SEMA3E: variants seen among roughly 807,000 people sequenced by gnomAD.
The protein encoded by SEMA3E is semaphorin-3E.
Under a neutral mutation model 93.6 loss-of-function variants are expected in SEMA3E, and 49 were observed. The observed-to-expected ratio is 0.52, with a 90% CI of 0.42 to 0.66. The LOEUF is 0.66. SEMA3E is among the 30% of genes least tolerant of loss of function. SEMA3E has a pLI of 0.00. For synonymous variants in SEMA3E, 363 were observed against 330.7 expected (o/e 1.10, Z -1.06); for missense variants, 906 against 964.8 (o/e 0.94, Z 0.81).
rs573282065 is a variant in SEMA3E, at chr7:83,476,219, G to A, written c.277-6917C>T. ...ATCACATTCTTAGTGAAGTCAGTCT[G>A]TCAAAGGAGATTACAGTAAAGTTTG... On this transcript the variant is annotated intron_variant, in intron 2 of 16. Coordinates refer to ENST00000643230, the MANE Select transcript of SEMA3E (RefSeq NM_012431.3). 2.2e-4 allele frequency among the ~76,000 whole-genome samples: 33 copies of A among 152,290 alleles called. No individual in the cohort carries two copies. In the South Asian group the frequency reaches 6.8e-3, roughly 32 times the overall value.
intron 4 of SEMA3E, among the ~76,000 whole-genome samples, chr7:83,453,292 A>T (rs1316310468): frequency 6.6e-6 from 1 of 152,076 alleles, no homozygotes; most frequent in African/African-American, 2.4e-5. Flanking sequence ...GACTTCCCAA[A>T]GTGCTGGGAT....
intron 11 of SEMA3E, among the ~76,000 whole-genome samples, chr7:83,397,851 A>G (rs1404333355): frequency 6.6e-6 from 1 of 152,218 alleles, no homozygotes; most frequent in Non-Finnish European, 1.5e-5. Flanking sequence ...TAATTAAGCT[A>G]ATAACAGTTA....
intron 13 of SEMA3E, 103 bp from the exon 14 acceptor site, chr7:83,392,824 C>T (rs1788044918): frequency 8.8e-7 from 1 of 1,131,674 alleles, no homozygotes; most frequent in African/African-American, 1.5e-5. Flanking sequence ...AGAAAAAATT[C>T]ACTTAAATTT....
intron 1 of SEMA3E, among the ~76,000 whole-genome samples, chr7:83,492,366 C>A (rs546390049): frequency 6.6e-6 from 1 of 151,968 alleles, no homozygotes; most frequent in South Asian, 2.1e-4. Context: ...TATCCCTGCA[C>A]GCACATGGCA....
chr7:83,611,491 A>G (rs142331874), intron 1 of SEMA3E, among the ~76,000 whole-genome samples: 250 of 149,646 alleles, frequency 1.7e-3, no homozygotes, highest in African/African-American at 5.9e-3. Context: ...GTCCTCATCT[A>G]GCTACCACTC....
At chr7:83,488,661 C>T (rs1332207779) in intron 2 of SEMA3E, among the ~76,000 whole-genome samples, 2 of 152,122 alleles carry the variant, frequency 1.3e-5, no homozygotes, top group Admixed American at 1.3e-4. Flanking sequence ...AGAGGATATG[C>T]TTCCGCAACA....
intron 2 of SEMA3E, among the ~76,000 whole-genome samples, chr7:83,478,294 C>G (rs1790065068): frequency 6.6e-6 from 1 of 151,998 alleles, no homozygotes; most frequent in African/African-American, 2.4e-5. Context: ...AAGATAAAAA[C>G]TATAGATCAA....
intron 1 of SEMA3E, among the ~76,000 whole-genome samples, chr7:83,553,104 T>C (rs953706640): frequency 5.3e-5 from 8 of 152,162 alleles, no homozygotes; most frequent in Admixed American, 2.6e-4. Flanking sequence ...GGGGCTCAGG[T>C]GGGCATCACA....
chr7:83,523,166 C>T (rs1791083692), intron 1 of SEMA3E, among the ~76,000 whole-genome samples: 1 of 152,082 alleles, frequency 6.6e-6, no homozygotes, highest in African/African-American at 2.4e-5. Context: ...CAGGCACACA[C>T]TATGCACTCA....
intron 2 of SEMA3E, among the ~76,000 whole-genome samples, chr7:83,489,531 TG>T (rs1207007705): frequency 1.3e-5 from 2 of 152,126 alleles, no homozygotes. Context: ...GTATGTTTTG[TG>T]TAAGATTTAT....
At chr7:83,579,835 A>AT (rs1792483464) in intron 1 of SEMA3E, among the ~76,000 whole-genome samples, 1 of 152,050 alleles carries the variant, frequency 6.6e-6, no homozygotes, top group Non-Finnish European at 1.5e-5. Context: ...AAACTACTGA[A>AT]TTTTTTTAAT....
intron 4 of SEMA3E, among the ~76,000 whole-genome samples, chr7:83,425,225 A>AC (rs1788745678): frequency 6.6e-6 from 1 of 152,036 alleles, no homozygotes; most frequent in Admixed American, 6.6e-5. Flanking sequence ...AATACTTGAA[A>AC]AAAAAAATGT....
intron 1 of SEMA3E, among the ~76,000 whole-genome samples, chr7:83,550,485 A>G (rs1215018435): frequency 6.6e-6 from 1 of 152,086 alleles, no homozygotes; most frequent in Non-Finnish European, 1.5e-5. Context: ...CTTCTTCACC[A>G]TTGTTGATTT....
chr7:83,609,226 C>T (rs1793194796), intron 1 of SEMA3E, among the ~76,000 whole-genome samples: 1 of 151,894 alleles, frequency 6.6e-6, no homozygotes, highest in Admixed American at 6.6e-5. Context: ...TGTCAGTCCC[C>T]TACTTCATAA....
rs953603849 is a variant in SEMA3E, at chr7:83,383,020, T to C, written c.1875+2274A>G. Among the ~76,000 whole-genome samples, 22 of 152,030 alleles carry C rather than the reference T, an allele frequency of 1.4e-4. No homozygotes were observed. In the East Asian group the frequency reaches 2.9e-3, roughly 20 times the overall value. ...GAGTTTGAATCTGAACAGGCAGACA[T>C]TACAGAATCAAAAATTTCAGTTAAA... On this transcript the variant is annotated intron_variant, in intron 16 of 16. Transcript: ENST00000643230.
intron 11 of SEMA3E, among the ~76,000 whole-genome samples, chr7:83,397,160 G>C (rs1161221354): frequency 1.3e-5 from 2 of 151,300 alleles, no homozygotes; most frequent in Non-Finnish European, 2.9e-5. Context: ...ATCACTGTCA[G>C]TTTAAAATAA....
intron 1 of SEMA3E, among the ~76,000 whole-genome samples, chr7:83,633,512 G>A (rs1793826360): frequency 6.6e-6 from 1 of 152,186 alleles, no homozygotes; most frequent in Non-Finnish European, 1.5e-5. Context: ...GTATAAGAGA[G>A]TCGCAGCCAG....
intron 1 of SEMA3E, among the ~76,000 whole-genome samples, chr7:83,558,426 A>G (rs1298804564): frequency 1.3e-5 from 2 of 152,124 alleles, no homozygotes; most frequent in East Asian, 3.8e-4. Flanking sequence ...TTGGTTTCAA[A>G]AGACAAATAC....
intron 15 of SEMA3E, 72 bp from the exon 16 acceptor site, chr7:83,385,505 T>C (rs1787860969): frequency 7.1e-7 from 1 of 1,414,132 alleles, no homozygotes; most frequent in African/African-American, 1.4e-5. Flanking sequence ...AAACATTATT[T>C]AGATCCCTGC....
Sources: allele counts gnomAD v4.1 joint callset (sites outside exome capture counted in the v4.1 genomes callset), GRCh38; gene constraint gnomAD v4.1.1; transcripts MANE v1.5; gene names NCBI Gene and HGNC (gene_info 2026-07-23, HGNC 2026-07-21).